The following TMEM178A variants were observed in gnomAD, a reference collection of about 807,000 sequenced individuals.
TMEM178A encodes transmembrane protein 178.
In TMEM178A, 12 loss-of-function variants were observed where a neutral mutation model predicts 29.1. The ratio of observed to expected loss-of-function variants is 0.41; its 90% CI spans 0.26 to 0.67. TMEM178A has a LOEUF of 0.67. Ranked by LOEUF, TMEM178A falls within the 30% of genes least tolerant of loss-of-function variation. TMEM178A has a pLI of 0.29. For missense variants in TMEM178A, 366 were observed against 419.1 expected (o/e 0.87, Z 1.11); for synonymous variants, 210 against 187.2 (o/e 1.12, Z -0.99).
At position 39,704,135 on chromosome 2, in the gene TMEM178A, T is replaced by G; in HGVS notation, c.455T>G (p.Leu152Trp). Residue 152 changes from leucine to tryptophan, a missense_variant, in exon 2 of 4, where the codon TTG (leucine) becomes TGG (tryptophan). Leu to Trp is a moderately conservative substitution (Grantham distance 61, BLOSUM62 -2). This residue lies in a region of TMEM178A where 247 missense variants were observed against 246.8 expected (regional missense o/e 1.00). Coordinates refer to ENST00000281961, the MANE Select transcript of TMEM178A (RefSeq NM_152390.3). ...IKYHFSQPIR[L>W]RNIPFNLTKT... ...TACCACTTTTCTCAGCCCATCCGCT[T>G]GCGAAACATTCCTTTTAATTTAACC... is the stretch of plus-strand genomic sequence containing the variant. 1 of 1,614,198 alleles carries G rather than the reference T, an allele frequency of 6.2e-7. No homozygotes were observed. The highest frequency in any genetic ancestry group is 8.5e-7 in the Non-Finnish European group (1 of 1,180,020).
the TMEM178A span, among the ~76,000 whole-genome samples, chr2:39,733,777 T>C: frequency 6.6e-6 from 1 of 152,152 alleles, no homozygotes; most frequent in African/African-American, 2.4e-5. Context: ...AATTTGAGAA[T>C]GAAAAAATTT....
chr2:39,671,787 G>C (rs1165126991), intron 1 of TMEM178A, among the ~76,000 whole-genome samples: 1 of 152,162 alleles, frequency 6.6e-6, no homozygotes, highest in Non-Finnish European at 1.5e-5. Flanking sequence ...GGCATGTACA[G>C]ACCGCACTCT....
chr2:39,700,569 C>T (rs1190785678), intron 1 of TMEM178A, among the ~76,000 whole-genome samples: 1 of 151,910 alleles, frequency 6.6e-6, no homozygotes, highest in Non-Finnish European at 1.5e-5. Context: ...TGAATTTAAA[C>T]TGTGTCTCAT....
chr2:39,724,612 C>T, the TMEM178A span, among the ~76,000 whole-genome samples: 1 of 152,134 alleles, frequency 6.6e-6, no homozygotes, highest in Non-Finnish European at 1.5e-5. Flanking sequence ...TACTTCATTT[C>T]GTATTTTCCC....
intron 1 of TMEM178A, among the ~76,000 whole-genome samples, chr2:39,681,815 AG>A (rs1314464263): frequency 1.3e-5 from 2 of 152,230 alleles, no homozygotes; most frequent in Non-Finnish European, 2.9e-5. Context: ...GTTTTTACAA[AG>A]GGAGAAAGGA....
chr2:39,732,732 G>A, the TMEM178A span, among the ~76,000 whole-genome samples: 2 of 152,180 alleles, frequency 1.3e-5, no homozygotes, highest in Admixed American at 6.5e-5. Flanking sequence ...GTTGCTCTGA[G>A]CACCATCAGA....
intron 1 of TMEM178A, among the ~76,000 whole-genome samples, chr2:39,694,898 T>C (rs1671471819): frequency 6.6e-6 from 1 of 152,264 alleles, no homozygotes; most frequent in Non-Finnish European, 1.5e-5. Context: ...TCTGTAGACC[T>C]GATGAAAGGT....
intron 3 of TMEM178A, among the ~76,000 whole-genome samples, chr2:39,713,349 A>G (rs1558465835): frequency 1.3e-5 from 2 of 152,252 alleles, no homozygotes; most frequent in African/African-American, 4.8e-5. Context: ...TTCATGCATG[A>G]GTACAAACAC....
rs751918952 is a variant in TMEM178A, at chr2:39,665,998, G to T, written c.24G>T (p.Thr8=). 1 of 1,443,918 alleles carries T rather than the reference G, an allele frequency of 6.9e-7. No individual in the cohort carries two copies. The highest frequency in any genetic ancestry group is 9.1e-7 in the Non-Finnish European group (1 of 1,101,274). 89.4% of individuals were successfully genotyped at this position (1,443,918 alleles called of 1,614,324 possible). The change falls in exon 1 of 4, where the codon ACG becomes ACT. Residue 8 remains threonine, a synonymous_variant. Coordinates refer to ENST00000281961, the MANE Select transcript of TMEM178A (RefSeq NM_152390.3). ...CCATGGAGCCGCGGGCGCTCGTCAC[G>T]GCGCTCAGCCTCGGCCTCAGCCTGT... The part of the protein sequence containing the change: MEPRALV[T]ALSLGLSLCS...
chr2:39,709,895 T>C (rs1324222568), intron 3 of TMEM178A, among the ~76,000 whole-genome samples: 1 of 152,208 alleles, frequency 6.6e-6, no homozygotes, highest in Non-Finnish European at 1.5e-5. Context: ...AATGAAACAA[T>C]TGTTAGAACT....
intron 1 of TMEM178A, among the ~76,000 whole-genome samples, chr2:39,686,693 G>C (rs73927024): frequency 0.016 from 2,401 of 150,712 alleles, 69 homozygotes; most frequent in African/African-American, 0.055. Flanking sequence ...AAGATGGGGG[G>C]GCGGAGCTGT....
At chr2:39,730,958 G>C in the TMEM178A span, among the ~76,000 whole-genome samples, 29 of 152,288 alleles carry the variant, frequency 1.9e-4, no homozygotes, top group African/African-American at 6.7e-4. Context: ...TCTTCTCAAG[G>C]AGTTATCTTC....
downstream of TMEM178A, among the ~76,000 whole-genome samples, chr2:39,720,369 C>A (rs1015599988): frequency 6.6e-6 from 1 of 152,158 alleles, no homozygotes; most frequent in African/African-American, 2.4e-5. Flanking sequence ...TCAAAATATA[C>A]CACCTGATGG....
Position 39,704,084 on chromosome 2 carries a change from T to C in TMEM178A, c.404T>C (p.Ile135Thr). Residue 135 changes from isoleucine to threonine, a missense_variant, in exon 2 of 4, where the codon ATT (isoleucine) becomes ACT (threonine). Ile to Thr is a moderately conservative substitution (Grantham distance 89). Transcript: ENST00000281961. ...CGCGTTTCTTATTTCCTTCAAGGTA[T>C]TGCGCAGCGATGCACGGCCATCAAG... is the stretch of plus-strand genomic sequence containing the variant. ...RDIDTLILKG[I>T]AQRCTAIKYH... is the part of the protein sequence containing the mutation. The C allele has an allele frequency of 6.2e-7, 1 of 1,614,056 alleles. No homozygotes were observed. Among genetic ancestry groups the C allele is most frequent in the Non-Finnish European group, 8.5e-7 (1 of 1,179,930 alleles).
At chr2:39,694,459 T>C (rs1042980812) in intron 1 of TMEM178A, among the ~76,000 whole-genome samples, 2 of 152,200 alleles carry the variant, frequency 1.3e-5, no homozygotes, top group Non-Finnish European at 2.9e-5. Flanking sequence ...TAGTATGTGG[T>C]AGACACAAGA....
chr2:39,707,879 A>G (rs1381894695), intron 3 of TMEM178A, among the ~76,000 whole-genome samples: 1 of 152,184 alleles, frequency 6.6e-6, no homozygotes, highest in Non-Finnish European at 1.5e-5. Context: ...AGCACAACCC[A>G]TGCCCCGCTG....
At chr2:39,687,641 GC>G (rs1192838321) in intron 1 of TMEM178A, among the ~76,000 whole-genome samples, 2 of 152,314 alleles carry the variant, frequency 1.3e-5, no homozygotes, top group African/African-American at 4.8e-5. Flanking sequence ...GCTTTTCTAT[GC>G]AGAGCTTGAT....
the TMEM178A span, among the ~76,000 whole-genome samples, chr2:39,723,571 C>G: frequency 6.6e-6 from 1 of 152,146 alleles, no homozygotes; most frequent in Admixed American, 6.5e-5. Flanking sequence ...AAAAGCTTCT[C>G]CAGTGCTGTT....
chr2:39,687,434 C>A (rs147163800), intron 1 of TMEM178A: 2,922 of 167,156 alleles, frequency 0.017, 77 homozygotes, highest in African/African-American at 0.052. Flanking sequence ...AGGTATTGAA[C>A]CCCTAACTCC....
Sources: allele counts gnomAD v4.1 joint callset (sites outside exome capture counted in the v4.1 genomes callset), GRCh38; gene constraint gnomAD v4.1.1; regional missense constraint gnomAD v4.1.1; transcripts MANE v1.5; gene names NCBI Gene and HGNC (gene_info 2026-07-23, HGNC 2026-07-21).